IARS1: variants seen among roughly 807,000 people sequenced by gnomAD.
IARS1 encodes the protein isoleucyl-tRNA synthetase 1.
In IARS1, 124 loss-of-function variants were observed where a neutral mutation model predicts 168.2. That is an observed-to-expected ratio of 0.74 (90% CI 0.64 to 0.86). The LOEUF (loss-of-function observed/expected upper bound fraction) is 0.86. Among genes scored for constraint, IARS1 ranks in the 40% least tolerant of loss-of-function variants. The pLI is 0.00. For missense variants in IARS1, 1,452 were observed against 1,515.8 expected, an observed-to-expected ratio of 0.96 and a Z score of 0.70; for synonymous variants, 532 against 529.4, an observed-to-expected ratio of 1.00 and a Z score of -0.07.
At position 92,268,171 on chromosome 9, in the gene IARS1, C is replaced by T. The variant is rs748497606; in HGVS notation, c.1431+3G>A. On this transcript the variant is annotated splice_donor_region_variant and intron_variant, in intron 14 of 33. Coordinates refer to ENST00000443024, the MANE Select transcript of IARS1 (RefSeq NM_002161.6). ...AACACAAGGAAATACTGCCATGCCT[C>T]ACCTCCTCAAAGTCATCGCTGACCC... The T allele has an allele frequency of 1.3e-6, 2 of 1,575,280 alleles. No homozygotes were observed. Among genetic ancestry groups the T allele is most frequent in the South Asian group, 2.4e-5 (2 of 84,292 alleles).
chr9:92,215,842 C>T (rs1838581359), intron 33 of IARS1, among the ~76,000 whole-genome samples: 1 of 152,076 alleles, frequency 6.6e-6, no homozygotes, highest in South Asian at 2.1e-4. Context: ...AGTTGGAAAA[C>T]ACTCTGCAGG....
intron 31 of IARS1, among the ~76,000 whole-genome samples, chr9:92,227,223 C>G (rs1404546682): frequency 6.8e-6 from 1 of 147,124 alleles, no homozygotes; most frequent in Non-Finnish European, 1.5e-5. Flanking sequence ...ACAGACACGG[C>G]AACCATCCGA....
At position 92,286,603 on chromosome 9, in the gene IARS1, G is replaced by C; in HGVS notation, c.412C>G (p.Leu138Val). ...TTGTCAAAGTCAATCCATCGGCCAA[G>C]TCTGCTAACAGTAGACTTTAAAATA... Reference protein sequence around the residue: ...SAEWKSTVSRLGRWIDFDNDY... With the variant: ...SAEWKSTVSRVGRWIDFDNDY... The change falls in exon 5 of 34, where the codon CTT becomes GTT. Residue 138 changes from leucine to valine, a missense_variant. Physicochemically the swap from Leu to Val is conservative, Grantham distance 32 (BLOSUM62 1). Transcript: ENST00000443024. 1 of 1,577,878 alleles carries C rather than the reference G, an allele frequency of 6.3e-7. No individual in the cohort carries two copies. The highest frequency in any genetic ancestry group is 8.7e-7 in the Non-Finnish European group (1 of 1,147,242).
intron 11 of IARS1, 59 bp downstream of exon 11, chr9:92,271,474 T>C: frequency 1.9e-6 from 3 of 1,589,856 alleles, no homozygotes; most frequent in Admixed American, 1.7e-5. Flanking sequence ...CAATTATAAA[T>C]GATGGTAGAG....
intron 16 of IARS1, among the ~76,000 whole-genome samples, chr9:92,264,392 G>T (rs989715657): frequency 6.7e-6 from 1 of 149,752 alleles, no homozygotes; most frequent in Non-Finnish European, 1.5e-5. Flanking sequence ...TCCATGGAAA[G>T]AAAGTAATTC....
chr9:92,232,881 A>G (rs1826934961), intron 30 of IARS1, among the ~76,000 whole-genome samples: 1 of 152,154 alleles, frequency 6.6e-6, no homozygotes, highest in African/African-American at 2.4e-5. Context: ...GATATTTTTA[A>G]TTATCACTCT....
At chr9:92,246,022 C>T (rs934130984) in intron 26 of IARS1, among the ~76,000 whole-genome samples, 3 of 152,082 alleles carry the variant, frequency 2.0e-5, no homozygotes, top group South Asian at 2.1e-4. Flanking sequence ...GTGATCTGCC[C>T]GCCTCGGCCT....
rs1261178681 is a variant in IARS1, at chr9:92,287,871, C to T, written c.316G>A (p.Glu106Lys). The part of the protein sequence containing the change: ...IDKTLGIRGP[E>K]DVAKMGITEY... ...GTAATCCCCATTTTGGCCACATCCTCTGGTCCTCTGATTCCCAGTGTCTTA... is the reference window on the plus strand; with the variant it reads ...GTAATCCCCATTTTGGCCACATCCTTTGGTCCTCTGATTCCCAGTGTCTTA... Residue 106 changes from glutamate to lysine, a missense_variant, in exon 4 of 34, where the codon GAG becomes AAG. By Grantham distance (56) the Glu-to-Lys change is moderately conservative (BLOSUM62 1). Coordinates refer to ENST00000443024, the MANE Select transcript of IARS1 (RefSeq NM_002161.6). The T allele has an allele frequency of 5.6e-6, 9 of 1,613,860 alleles. No homozygotes were observed. The highest frequency in any genetic ancestry group is 7.6e-6 in the Non-Finnish European group (9 of 1,179,924).
chr9:92,281,657 T>C (rs1005185568), intron 6 of IARS1, among the ~76,000 whole-genome samples: 1 of 152,072 alleles, frequency 6.6e-6, no homozygotes, highest in Non-Finnish European at 1.5e-5. Flanking sequence ...AAGAACAAGA[T>C]TGTCTCCAAC....
At chr9:92,238,186 G>A (rs987545507) in intron 30 of IARS1, among the ~76,000 whole-genome samples, 36 of 152,194 alleles carry the variant, frequency 2.4e-4, no homozygotes, top group African/African-American at 8.7e-4. Context: ...TTACAGGCGT[G>A]AGCCACTGTG....
In IARS1 at chr9:92,280,900, T is replaced by C. The variant is rs760119751; in HGVS notation, c.598-7A>G. ...CTGAAGGATCTTGAACATCCTGAAA[T>C]AAATTGAGGTAAAGTATTGTTTTAG... is the stretch of plus-strand genomic sequence containing the variant. On this transcript the variant is annotated splice_region_variant and splice_polypyrimidine_tract_variant and intron_variant, in intron 6 of 33. Coordinates refer to ENST00000443024, the MANE Select transcript of IARS1 (RefSeq NM_002161.6). The C allele has an allele frequency of 1.3e-6, 2 of 1,596,314 alleles. No individual in the cohort carries two copies. Among genetic ancestry groups the C allele is most frequent in the Non-Finnish European group, 1.7e-6 (2 of 1,166,596 alleles).
Position 92,250,843 on chromosome 9 carries a change from A to T in IARS1, c.2308-9T>A, listed in dbSNP as rs756289255. 6.3e-7 allele frequency: 1 copy of T among 1,596,046 alleles called. No homozygotes were observed. The highest frequency in any genetic ancestry group is 1.1e-5 in the South Asian group (1 of 87,282). ...AAAGGTGTGTAGGGAGCCTGTATGA[A>T]GACACAGGACATCATGTCAGTTATA... On this transcript the variant is annotated splice_polypyrimidine_tract_variant and intron_variant, in intron 22 of 33. Coordinates refer to ENST00000443024, the MANE Select transcript of IARS1 (RefSeq NM_002161.6).
At chr9:92,238,451 G>C (rs560669026) in intron 30 of IARS1, among the ~76,000 whole-genome samples, 1 of 152,210 alleles carries the variant, frequency 6.6e-6, no homozygotes, top group South Asian at 2.1e-4. Flanking sequence ...CTTCTATCTT[G>C]CTCCCTCTCT....
At chr9:92,282,942 C>T (rs1472444798) in intron 6 of IARS1, among the ~76,000 whole-genome samples, 3 of 151,004 alleles carry the variant, frequency 2.0e-5, no homozygotes, top group African/African-American at 7.3e-5. Flanking sequence ...GCAACCTCAA[C>T]TTCCTGGGCT....
At chr9:92,236,853 T>G (rs1171936521) in intron 30 of IARS1, among the ~76,000 whole-genome samples, 1 of 152,178 alleles carries the variant, frequency 6.6e-6, no homozygotes, top group Non-Finnish European at 1.5e-5. Context: ...GTTGTCAAAC[T>G]TACATATGGA....
At chr9:92,270,949 A>C in intron 12 of IARS1, 36 bp downstream of exon 12, 5 of 1,397,162 alleles carry the variant, frequency 3.6e-6, no homozygotes, top group Non-Finnish European at 5.0e-6. Context: ...ACAGACTGGA[A>C]GCTCTAGCTA....
chr9:92,210,801 T>G lies in IARS1; in HGVS notation c.*6A>C, dbSNP rs747734185. 2.5e-6 allele frequency: 4 copies of G among 1,583,134 alleles called. No individual in the cohort carries two copies. Among genetic ancestry groups the G allele is most frequent in the Non-Finnish European group, 3.5e-6 (4 of 1,151,982 alleles). Reference sequence around the variant, plus strand: ...GGGCTGACCGAACAACATTGATAAGTACATGCTAGAAGTCTGCTGTTGTTG... The same window carrying G: ...GGGCTGACCGAACAACATTGATAAGGACATGCTAGAAGTCTGCTGTTGTTG... On this transcript the variant is annotated 3_prime_UTR_variant, in exon 34 of 34. Coordinates refer to ENST00000443024, the MANE Select transcript of IARS1 (RefSeq NM_002161.6).
rs751540743 is a variant in IARS1 at position 92,223,492 on chromosome 9, A to G, written c.3410-3T>C. ...TAAGTCAGTTTGGTTTTGTATTTCT[A>G]AAAATAACAACAACAATTCTTTCAG... On this transcript the variant is annotated splice_polypyrimidine_tract_variant and splice_region_variant and intron_variant, in intron 31 of 33. Transcript: ENST00000443024. The G allele has an allele frequency of 1.1e-5, 18 of 1,606,766 alleles. No homozygotes were observed. Among genetic ancestry groups the G allele is most frequent in the African/African-American group, 4.0e-5 (3 of 74,704 alleles).
Position 92,223,407 on chromosome 9 carries a change from G to A in IARS1, c.3492C>T (p.Asn1164=), listed in dbSNP as rs772940674. ...ACTGACAAAGAAGAGTACTAGAACT[G>A]TTGATCAGAGAGGGAGCCGATCCTG... ...VTAGSAPSLI[N]SSSTLLCQYI... The change falls in exon 32 of 34, where the codon AAC becomes AAT. Residue 1164 remains asparagine (N), a synonymous_variant. Transcript: ENST00000443024. 5 of 1,613,790 alleles carry A rather than the reference G, an allele frequency of 3.1e-6. No individual in the cohort carries two copies. The African/African-American group carries it at 5.3e-5, about 17-fold the overall frequency.
Sources: allele counts gnomAD v4.1 joint callset (sites outside exome capture counted in the v4.1 genomes callset), GRCh38; gene constraint gnomAD v4.1.1; transcripts MANE v1.5; gene names NCBI Gene and HGNC (gene_info 2026-07-23, HGNC 2026-07-21).